CPNE5: variants seen among roughly 807,000 people sequenced by gnomAD.
CPNE5 encodes copine 5.
Under a neutral mutation model 81.1 loss-of-function variants are expected in CPNE5, and 42 were observed. The observed-to-expected ratio is 0.52, with a 90% CI of 0.40 to 0.67. CPNE5 has a LOEUF of 0.67. Among genes scored for constraint, CPNE5 ranks in the 30% least tolerant of loss-of-function variants. The pLI, the probability that CPNE5 is intolerant of heterozygous loss-of-function variation, is 0.00. For missense variants in CPNE5, 612 were observed against 815.5 expected, an observed-to-expected ratio of 0.75 and a Z score of 3.04; for synonymous variants, 313 against 321.5, an observed-to-expected ratio of 0.97 and a Z score of 0.28.
intron 3 of CPNE5, among the ~76,000 whole-genome samples, chr6:36,810,010 C>T (rs376073647): frequency 1.1e-4 from 16 of 152,118 alleles, no homozygotes; most frequent in Admixed American, 5.2e-4. Context: ...GATGAAAGAA[C>T]GGAGCTCTTG....
At chr6:36,826,650 G>A (rs955167374) in intron 1 of CPNE5, among the ~76,000 whole-genome samples, 3 of 152,188 alleles carry the variant, frequency 2.0e-5, no homozygotes, top group African/African-American at 4.8e-5. Flanking sequence ...CCACAGGCCA[G>A]CCTAGCACCT....
chr6:36,786,379 C>T (rs1352478276), intron 8 of CPNE5, among the ~76,000 whole-genome samples: 1 of 152,308 alleles, frequency 6.6e-6, no homozygotes, highest in East Asian at 1.9e-4. Context: ...TGTCTTTATG[C>T]ATTGACTGTA....
rs370368765 is a variant in CPNE5, at chr6:36,766,646, C to T, written c.738-1270G>A. 4.6e-5 allele frequency among the ~76,000 whole-genome samples: 7 copies of T among 152,212 alleles called. No homozygotes were observed. The highest frequency in any genetic ancestry group is 6.5e-5 in the Admixed American group (1 of 15,302). Reference sequence around the variant, plus strand: ...GAGTGGAAAGACCAGGACGGCCCTACGCTTGGACCTGGGCCCCTCACTATG... The same window carrying T: ...GAGTGGAAAGACCAGGACGGCCCTATGCTTGGACCTGGGCCCCTCACTATG... On this transcript the variant is annotated intron_variant, in intron 10 of 20. Coordinates refer to ENST00000244751, the MANE Select transcript of CPNE5 (RefSeq NM_020939.2). The surrounding 1 kb of genome is among the most constrained non-coding windows in gnomAD (Gnocchi z 4.2).
At chr6:36,815,019 G>A (rs1415478200) in intron 3 of CPNE5, among the ~76,000 whole-genome samples, 8 of 151,996 alleles carry the variant, frequency 5.3e-5, no homozygotes, top group Admixed American at 6.6e-5. Flanking sequence ...TTAGTCGGGC[G>A]TGGTGGTGCA....
chr6:36,744,660 C>T, intron 18 of CPNE5: 1 of 480,914 alleles, frequency 2.1e-6, no homozygotes, highest in Non-Finnish European at 3.8e-6. Flanking sequence ...CTGAGCCTCC[C>T]CTCCCACTCC....
Position 36,748,323 on chromosome 6 carries a change from G to A in CPNE5, c.972-56C>T, listed in dbSNP as rs1764416852. On this transcript the variant is annotated intron_variant, in intron 14 of 20. Transcript: ENST00000244751. ...CTGGAGGGAGGCAGGGCTGTGGGAG[G>A]GGGGACAGTGCTAGACATTGGCTAC... is the stretch of plus-strand genomic sequence containing the variant. 3.9e-5 allele frequency: 59 copies of A among 1,519,082 alleles called. No homozygotes were observed. The South Asian group carries it at 6.5e-4, about 17-fold the overall frequency. 94.1% of individuals were successfully genotyped at this position (1,519,082 alleles called of 1,614,324 possible).
intron 18 of CPNE5, chr6:36,744,593 C>T (rs1582677793): frequency 3.7e-6 from 2 of 540,530 alleles, no homozygotes; most frequent in Non-Finnish European, 3.3e-6. Context: ...TCACCCCCAT[C>T]CCCTCTTACA....
At chr6:36,833,976 T>C (rs1388023819) in intron 1 of CPNE5, among the ~76,000 whole-genome samples, 1 of 152,012 alleles carries the variant, frequency 6.6e-6, no homozygotes, top group Non-Finnish European at 1.5e-5. Context: ...ATCCCAGCAC[T>C]TTGAGAGGCA....
chr6:36,772,087 C>T (rs1582823718), intron 10 of CPNE5, among the ~76,000 whole-genome samples: 1 of 152,236 alleles, frequency 6.6e-6, no homozygotes, highest in East Asian at 1.9e-4. Flanking sequence ...CTTTCACTGT[C>T]CCTGACAAAG....
At position 36,790,213 on chromosome 6, in the gene CPNE5, T is replaced by C. The variant is rs1048319748; in HGVS notation, c.528+1820A>G. The stretch of plus-strand genomic sequence containing the variant: ...AGATGTTATAACACATCATACTACA[T>C]ACTACATTATATATTATAATATGTT... On this transcript the variant is annotated intron_variant, in intron 8 of 20. Transcript: ENST00000244751. Among the ~76,000 whole-genome samples the C allele has an allele frequency of 2.4e-4, 36 of 152,316 alleles. 1 individual carries two copies. Among genetic ancestry groups the C allele is most frequent in the Admixed American group, 2.2e-3 (33 of 15,298 alleles).
chr6:36,831,728 T>C (rs897529351), intron 1 of CPNE5, among the ~76,000 whole-genome samples: 5 of 152,080 alleles, frequency 3.3e-5, no homozygotes, highest in African/African-American at 7.2e-5. Flanking sequence ...TGTTCAGTTA[T>C]TGGTACCTAT....
chr6:36,792,257 G>T (rs1042043308), intron 7 of CPNE5, 161 bp from the exon 8 acceptor site: 3 of 1,312,486 alleles, frequency 2.3e-6, no homozygotes, highest in South Asian at 1.3e-5. Flanking sequence ...GATCCTTGTG[G>T]CAGTGTGGCC....
intron 14 of CPNE5, among the ~76,000 whole-genome samples, chr6:36,751,134 C>T (rs1764773075): frequency 6.6e-6 from 1 of 152,222 alleles, no homozygotes; most frequent in Admixed American, 6.5e-5. Flanking sequence ...TCCCTGGAGC[C>T]AGCTCCCTCA....
chr6:36,795,075 G>T (rs946138644), intron 6 of CPNE5, among the ~76,000 whole-genome samples: 6 of 152,216 alleles, frequency 3.9e-5, no homozygotes, highest in African/African-American at 1.4e-4. Flanking sequence ...ATGAGATCAT[G>T]ATATGGGCTG....
At chr6:36,812,368 G>T (rs1771182890) in intron 3 of CPNE5, among the ~76,000 whole-genome samples, 1 of 152,154 alleles carries the variant, frequency 6.6e-6, no homozygotes, top group Non-Finnish European at 1.5e-5. Flanking sequence ...AGGAGGGGAA[G>T]GAAAGGGATA....
intron 20 of CPNE5, 84 bp from the exon 21 acceptor site, chr6:36,742,570 A>ACCCCCCCCCCCCCCCCCCCCCCCCCC (rs1178826878): frequency 1.6e-6 from 1 of 640,206 alleles, no homozygotes; most frequent in Non-Finnish European, 2.7e-6. Context: ...TTGCATCCCC[A>ACCCCCCCCCCCCCCCCCCCCCCCCCC]CCCCCCTCCC....
intron 10 of CPNE5, among the ~76,000 whole-genome samples, chr6:36,772,288 C>T (rs773062671): frequency 1.3e-5 from 2 of 152,156 alleles, no homozygotes; most frequent in Non-Finnish European, 2.9e-5. Context: ...CCAGGATCCT[C>T]CACCCCTGAC....
At chr6:36,796,869 A>C (rs1400031611) in intron 6 of CPNE5, among the ~76,000 whole-genome samples, 1 of 152,126 alleles carries the variant, frequency 6.6e-6, no homozygotes, top group African/African-American at 2.4e-5. Flanking sequence ...GTCACGGGCA[A>C]GGATCTGGAA....
chr6:36,790,010 CAG>C (rs1768944951), intron 8 of CPNE5, among the ~76,000 whole-genome samples: 2 of 152,200 alleles, frequency 1.3e-5, no homozygotes, highest in Non-Finnish European at 2.9e-5. Flanking sequence ...TCCTTGGAAA[CAG>C]AGTTTGTAAC....
Sources: gnomAD v4.1 joint callset for allele counts (sites outside exome capture counted in the v4.1 genomes callset) on GRCh38, gnomAD v4.1.1 for gene constraint, Gnocchi (gnomAD v3.1) non-coding constraint, MANE v1.5 for transcripts, NCBI Gene and HGNC (gene_info 2026-07-23, HGNC 2026-07-21) for gene names.